The following SPRING1 variants were observed in gnomAD, a reference collection of about 807,000 sequenced individuals.
SPRING1 encodes SREBP regulating gene protein.
In SPRING1, 14 loss-of-function variants were observed where a neutral mutation model predicts 24.7. The ratio of observed to expected loss-of-function variants is 0.57; its 90% CI spans 0.37 to 0.88. The LOEUF is 0.88. Ranked by LOEUF, SPRING1 falls within the 40% of genes least tolerant of loss-of-function variation. The pLI is 0.00. For synonymous variants in SPRING1, 93 were observed against 106.1 expected, an observed-to-expected ratio of 0.88 and a Z score of 0.76; for missense variants, 255 against 268.4, an observed-to-expected ratio of 0.95 and a Z score of 0.35.
In SPRING1 at chr12:116,720,577, A is replaced by C. The variant is rs1870379877; in HGVS notation, c.269-130T>G. On this transcript the variant is annotated intron_variant, in intron 2 of 4. Coordinates refer to ENST00000261318, the MANE Select transcript of SPRING1 (RefSeq NM_024738.4). This position sits in a 1 kb window ranked among gnomAD's most constrained non-coding sequence, Gnocchi z 4.0. The stretch of plus-strand genomic sequence containing the variant: ...TCTGGGGCATCATCCTAAGCACCGG[A>C]GAGCTGGAAACTGGACATAATGTGA... 2 of 1,255,344 alleles carry C rather than the reference A, an allele frequency of 1.6e-6. No homozygotes were observed. Among genetic ancestry groups the C allele is most frequent in the Admixed American group, 4.5e-5 (2 of 44,724 alleles). 77.8% of individuals were successfully genotyped at this position (1,255,344 alleles called of 1,614,324 possible). A position where few individuals can be genotyped will look rare whatever the true frequency, so the allele number is the denominator to read the frequency against.
intron 1 of SPRING1, among the ~76,000 whole-genome samples, chr12:116,724,469 A>T (rs1870588463): frequency 3.3e-5 from 5 of 152,200 alleles, no homozygotes; most frequent in Admixed American, 2.0e-4. Context: ...TAATCCCAGC[A>T]CTTTGGGGAG....
chr12:116,727,155 A>G (rs1870738472), intron 1 of SPRING1, among the ~76,000 whole-genome samples: 1 of 152,066 alleles, frequency 6.6e-6, no homozygotes, highest in Non-Finnish European at 1.5e-5. Flanking sequence ...TCATATTTAT[A>G]TTTTTTCACT....
chr12:116,737,943 G>C lies in SPRING1; in HGVS notation c.-43C>G. On this transcript the variant is annotated 5_prime_UTR_variant, in exon 1 of 5. Transcript: ENST00000261318. ...GCGCGGCGGCCGGGGCGCGGAACGCGGCAGGCCCGGGTCCCGGGCGGCATG... is the reference window on the plus strand; with the variant it reads ...GCGCGGCGGCCGGGGCGCGGAACGCCGCAGGCCCGGGTCCCGGGCGGCATG... 1 of 1,371,884 alleles carries C rather than the reference G, an allele frequency of 7.3e-7. No homozygotes were observed. The highest frequency in any genetic ancestry group is 9.4e-7 in the Non-Finnish European group (1 of 1,060,744). The allele number at this position is 1,371,884 out of a possible 1,614,324, so 85.0% of individuals were successfully genotyped here.
chr12:116,731,759 CAAAT>C (rs1870987371), intron 1 of SPRING1, among the ~76,000 whole-genome samples: 3 of 152,106 alleles, frequency 2.0e-5, no homozygotes, highest in South Asian at 4.2e-4. Context: ...CAAAAACAAA[CAAAT>C]AAACAAAACC....
At chr12:116,732,532 A>AC (rs1434717921) in intron 1 of SPRING1, among the ~76,000 whole-genome samples, 1 of 152,130 alleles carries the variant, frequency 6.6e-6, no homozygotes, top group Non-Finnish European at 1.5e-5. Flanking sequence ...ACATGGCGAA[A>AC]CCCCGTCTCT....
chr12:116,730,605 G>C (rs1870928440), intron 1 of SPRING1, among the ~76,000 whole-genome samples: 1 of 152,196 alleles, frequency 6.6e-6, no homozygotes, highest in African/African-American at 2.4e-5. Context: ...AGTTCCTTCA[G>C]CACAATGTGG....
At chr12:116,726,738 C>A (rs560434274) in intron 1 of SPRING1, among the ~76,000 whole-genome samples, 2 of 152,266 alleles carry the variant, frequency 1.3e-5, no homozygotes, top group Non-Finnish European at 2.9e-5. Context: ...AAATTAATAG[C>A]CATAAAGATT....
chr12:116,723,903 C>T lies in SPRING1; in HGVS notation c.112-680G>A, dbSNP rs953577655. On this transcript the variant is annotated intron_variant, in intron 1 of 4. Coordinates refer to ENST00000261318, the MANE Select transcript of SPRING1 (RefSeq NM_024738.4). Reference sequence around the variant, plus strand: ...CCTGGAGTCAAGAGTTGAAGATCATCTCTTCTGGTCTTGAAGCTATGTCCG... The same window carrying T: ...CCTGGAGTCAAGAGTTGAAGATCATTTCTTCTGGTCTTGAAGCTATGTCCG... Among the ~76,000 whole-genome samples, 68 of 152,284 alleles carry T rather than the reference C, an allele frequency of 4.5e-4. 1 individual carries two copies. The highest frequency in any genetic ancestry group is 6.2e-4 in the South Asian group (3 of 4,820).
intron 1 of SPRING1, among the ~76,000 whole-genome samples, chr12:116,736,264 CAGAT>C (rs769961423): frequency 2.0e-5 from 3 of 152,096 alleles, no homozygotes; most frequent in Non-Finnish European, 4.4e-5. Flanking sequence ...TTACCTGAGT[CAGAT>C]AGAGAGGAAG....
intron 1 of SPRING1, among the ~76,000 whole-genome samples, chr12:116,725,872 T>C (rs374102895): frequency 1.3e-5 from 2 of 150,900 alleles, no homozygotes; most frequent in Admixed American, 1.3e-4. Flanking sequence ...GGCGACAAAG[T>C]GAGACTCCGT....
intron 1 of SPRING1, among the ~76,000 whole-genome samples, chr12:116,723,854 C>G (rs1029041698): frequency 2.0e-5 from 3 of 152,154 alleles, no homozygotes; most frequent in Non-Finnish European, 1.5e-5. Context: ...GCCCTCTACC[C>G]GGACAAGCAA....
At chr12:116,718,203 A>G (rs1487482113) in intron 4 of SPRING1, among the ~76,000 whole-genome samples, 2 of 152,210 alleles carry the variant, frequency 1.3e-5, no homozygotes, top group African/African-American at 4.8e-5. Context: ...ACTTTTCCTC[A>G]AATTACTTGA....
rs532335541 is a variant in SPRING1 at position 116,717,361 on chromosome 12, G to C, written c.*449C>G. ...TAATTTCCTTGAACATATTCAACTA[G>C]AATGGCAAGGCATTTTCCTACATAA... is the stretch of plus-strand genomic sequence containing the variant. On this transcript the variant is annotated 3_prime_UTR_variant, in exon 5 of 5. Transcript: ENST00000261318. This position sits in a 1 kb window ranked among gnomAD's most constrained non-coding sequence, Gnocchi z 4.2. 26 of 153,536 alleles carry C rather than the reference G, an allele frequency of 1.7e-4. No individual in the cohort carries two copies. The highest frequency in any genetic ancestry group is 3.0e-4 in the Non-Finnish European group (21 of 68,998). The allele number at this position is 153,536 out of a possible 1,614,324, so 9.5% of individuals were successfully genotyped here. A position where few individuals can be genotyped will look rare whatever the true frequency, so the allele number is the denominator to read the frequency against.
Position 116,714,037 on chromosome 12 carries a change from TGCCA to T in SPRING1, c.*3769_*3772del, listed in dbSNP as rs1869992854. 1 of 148,708 alleles carries T rather than the reference TGCCA, an allele frequency of 6.7e-6. No homozygotes were observed. The highest frequency in any genetic ancestry group is 1.5e-5 in the Non-Finnish European group (1 of 67,262). 9.2% of individuals were successfully genotyped at this position (148,708 alleles called of 1,614,324 possible). A position where few individuals can be genotyped will look rare whatever the true frequency, so the allele number is the denominator to read the frequency against. ...ATCCGAGCCGACCCCTGACTGCCCC[TGCCA>T]TTGCTCCCTGCTGAGTTGCAGACAT... On this transcript the variant is annotated 3_prime_UTR_variant, in exon 5 of 5. Transcript: ENST00000261318.
chr12:116,722,486 G>A (rs1870481393), intron 2 of SPRING1, among the ~76,000 whole-genome samples: 1 of 152,320 alleles, frequency 6.6e-6, no homozygotes, highest in African/African-American at 2.4e-5. Context: ...GTCATCTTAT[G>A]GAAGTAACTT....
intron 4 of SPRING1, among the ~76,000 whole-genome samples, 163 bp downstream of exon 4, chr12:116,719,600 C>T (rs1022186665): frequency 2.0e-5 from 3 of 152,190 alleles, no homozygotes; most frequent in East Asian, 1.9e-4. Context: ...ATAAATCTCA[C>T]GTTGACATTT....
chr12:116,729,892 T>C (rs1410513275), intron 1 of SPRING1, among the ~76,000 whole-genome samples: 3 of 152,018 alleles, frequency 2.0e-5, no homozygotes, highest in Non-Finnish European at 4.4e-5. Context: ...TGTTTTTATT[T>C]TTATTTATTT....
chr12:116,715,930 C>T lies in SPRING1; in HGVS notation c.*1880G>A, dbSNP rs918554426. On this transcript the variant is annotated 3_prime_UTR_variant, in exon 5 of 5. Coordinates refer to ENST00000261318, the MANE Select transcript of SPRING1 (RefSeq NM_024738.4). ...GGATCCATAAACAGGCACAGGCTGC[C>T]CTTTGGTATAAACTGTTCACATTAA... 2.0e-5 allele frequency: 3 copies of T among 152,196 alleles called. No homozygotes were observed. Among genetic ancestry groups the T allele is most frequent in the Non-Finnish European group, 2.9e-5 (2 of 68,036 alleles). The allele number at this position is 152,196 out of a possible 1,614,324, so 9.4% of individuals were successfully genotyped here.
At chr12:116,725,881 G>A (rs1250555451) in intron 1 of SPRING1, among the ~76,000 whole-genome samples, 6 of 148,180 alleles carry the variant, frequency 4.0e-5, no homozygotes, top group South Asian at 2.1e-4. Context: ...GTGAGACTCC[G>A]TCTCAAAAAA....
Sources: allele counts gnomAD v4.1 joint callset (sites outside exome capture counted in the v4.1 genomes callset), GRCh38; gene constraint gnomAD v4.1.1; non-coding constraint Gnocchi (gnomAD v3.1); transcripts MANE v1.5; gene names NCBI Gene and HGNC (gene_info 2026-07-23, HGNC 2026-07-21).